Variants in LMBR1 observed in about 807,000 individuals in gnomAD.
The protein encoded by LMBR1 is limb region 1 protein homolog.
Under a neutral mutation model 73.9 loss-of-function variants are expected in LMBR1, and 52 were observed. That is an observed-to-expected ratio of 0.70 (90% CI 0.56 to 0.89). LMBR1 has a LOEUF of 0.89. Ranked by LOEUF, LMBR1 falls within the 40% of genes least tolerant of loss-of-function variation. The pLI is 0.00. For missense variants in LMBR1, 539 were observed against 579.8 expected (o/e 0.93, Z 0.72); for synonymous variants, 215 against 209.4 (o/e 1.03, Z -0.23).
At chr7:156,688,333 T>G (rs1307780954) in intron 15 of LMBR1, 142 bp from the exon 16 acceptor site, 1 of 585,532 alleles carries the variant, frequency 1.7e-6, no homozygotes, top group Non-Finnish European at 2.9e-6. Context: ...TAAATCCTAA[T>G]TTAAAATATG....
intron 10 of LMBR1, among the ~76,000 whole-genome samples, chr7:156,732,301 GCTTA>G (rs1006792307): frequency 1.3e-5 from 2 of 152,112 alleles, no homozygotes; most frequent in Non-Finnish European, 2.9e-5. Flanking sequence ...TTCTGACCCA[GCTTA>G]CTGTCTTGAG....
intron 4 of LMBR1, among the ~76,000 whole-genome samples, chr7:156,810,750 A>G (rs564953736): frequency 1.3e-5 from 2 of 151,750 alleles, no homozygotes; most frequent in South Asian, 4.2e-4. Context: ...CTACAGCACT[A>G]TTGTCACTTT....
At chr7:156,824,330 A>C (rs1260595936) in intron 4 of LMBR1, among the ~76,000 whole-genome samples, 3 of 152,168 alleles carry the variant, frequency 2.0e-5, no homozygotes, top group African/African-American at 7.2e-5. Flanking sequence ...AGGTAGCATC[A>C]CCTACAAAAA....
chr7:156,701,046 G>A (rs1254532980), intron 15 of LMBR1, among the ~76,000 whole-genome samples: 2 of 152,076 alleles, frequency 1.3e-5, no homozygotes, highest in Non-Finnish European at 2.9e-5. Context: ...TTACTATTAT[G>A]AAAACAGCAA....
intron 5 of LMBR1, among the ~76,000 whole-genome samples, chr7:156,780,347 T>C (rs73741538): frequency 0.027 from 4,151 of 152,246 alleles, 187 homozygotes; most frequent in African/African-American, 0.095. Context: ...AACATCTCCA[T>C]TGCATTAAAA....
intron 4 of LMBR1, among the ~76,000 whole-genome samples, chr7:156,809,789 T>C (rs778976689): frequency 2.0e-5 from 3 of 152,194 alleles, no homozygotes; most frequent in Non-Finnish European, 4.4e-5. Flanking sequence ...GTGTCTCTTT[T>C]TGTAGATGCA....
At chr7:156,792,917 A>G (rs1829477727) in intron 5 of LMBR1, among the ~76,000 whole-genome samples, 1 of 109,320 alleles carries the variant, frequency 9.1e-6, no homozygotes, top group African/African-American at 2.7e-5. Context: ...GGCCACAGGA[A>G]AAAAAAAAAA....
chr7:156,892,906 G>C, intron 1 of LMBR1, 22 bp downstream of exon 1: 1 of 1,481,882 alleles, frequency 6.7e-7, no homozygotes, highest in Non-Finnish European at 8.9e-7. Context: ...GGACTGTCAG[G>C]GCTGCCTCGG....
chr7:156,852,118 T>TTC (rs1796318581), intron 1 of LMBR1, among the ~76,000 whole-genome samples: 1 of 151,944 alleles, frequency 6.6e-6, no homozygotes, highest in African/African-American at 2.4e-5. Flanking sequence ...ATATAACAAG[T>TTC]AATAAAGATT....
At chr7:156,767,182 A>T (rs984563889) in intron 5 of LMBR1, among the ~76,000 whole-genome samples, 2 of 152,108 alleles carry the variant, frequency 1.3e-5, no homozygotes, top group African/African-American at 2.4e-5. Flanking sequence ...GACCCCCCTG[A>T]GCATGCAGGG....
chr7:156,824,162 T>G (rs1362822713), intron 4 of LMBR1, among the ~76,000 whole-genome samples: 1 of 151,744 alleles, frequency 6.6e-6, no homozygotes, highest in Non-Finnish European at 1.5e-5. Context: ...GCTGAAAAAA[T>G]GTGGAGTTTT....
chr7:156,754,554 T>C (rs1361244092), intron 9 of LMBR1, among the ~76,000 whole-genome samples: 1 of 151,528 alleles, frequency 6.6e-6, no homozygotes, highest in Admixed American at 6.5e-5. Context: ...GCAATGGAAT[T>C]TGTATTTTTT....
chr7:156,872,036 A>G (rs1362248343), intron 1 of LMBR1: 3 of 152,170 alleles, frequency 2.0e-5, no homozygotes, highest in East Asian at 3.9e-4. Context: ...GATATAAAAA[A>G]CCATTTAACA....
intron 15 of LMBR1, among the ~76,000 whole-genome samples, chr7:156,691,300 T>TCA (rs1807125469): frequency 6.6e-6 from 1 of 152,186 alleles, no homozygotes; most frequent in African/African-American, 2.4e-5. Context: ...AGCATAAGGT[T>TCA]CACATTATCT....
At chr7:156,781,294 C>T (rs1317490001) in intron 5 of LMBR1, among the ~76,000 whole-genome samples, 1 of 152,032 alleles carries the variant, frequency 6.6e-6, no homozygotes, top group African/African-American at 2.4e-5. Flanking sequence ...ACTAGAAATT[C>T]CAAAACACCA....
intron 15 of LMBR1, among the ~76,000 whole-genome samples, chr7:156,701,882 G>C (rs1809792027): frequency 1.3e-5 from 2 of 152,152 alleles, no homozygotes; most frequent in African/African-American, 4.8e-5. Flanking sequence ...TGTGGTGTTT[G>C]GTTTTCTGTT....
chr7:156,839,468 G>T (rs1474619482), intron 1 of LMBR1, among the ~76,000 whole-genome samples: 2 of 152,120 alleles, frequency 1.3e-5, no homozygotes, highest in Non-Finnish European at 2.9e-5. Context: ...CAAAGACTGT[G>T]TGCTAGAAAT....
Position 156,723,887 on chromosome 7 carries a change from G to A in LMBR1, c.1225+225C>T, listed in dbSNP as rs541608584. 2.4e-4 allele frequency among the ~76,000 whole-genome samples: 37 copies of A among 152,226 alleles called. No homozygotes were observed. The South Asian group carries it at 7.7e-3, about 32-fold the overall frequency. ...AACAAAAACCAGCCCGTTGTTTGGAGAAAGAATGCTTTTAAGTGTTTAAAA... is the reference window on the plus strand; with the variant it reads ...AACAAAAACCAGCCCGTTGTTTGGAAAAAGAATGCTTTTAAGTGTTTAAAA... On this transcript the variant is annotated intron_variant, in intron 15 of 16. Coordinates refer to ENST00000353442, the MANE Select transcript of LMBR1 (RefSeq NM_022458.4).
intron 1 of LMBR1, among the ~76,000 whole-genome samples, chr7:156,850,775 T>C (rs974694445): frequency 7.9e-5 from 12 of 152,224 alleles, no homozygotes; most frequent in Non-Finnish European, 1.3e-4. Flanking sequence ...TTGTTTGTAA[T>C]TGCAACAAAT....
Sources: allele counts gnomAD v4.1 joint callset (sites outside exome capture counted in the v4.1 genomes callset), GRCh38; gene constraint gnomAD v4.1.1; transcripts MANE v1.5; gene names NCBI Gene and HGNC (gene_info 2026-07-23, HGNC 2026-07-21).